Variants in AGO3 observed in about 807,000 individuals in gnomAD.
AGO3 encodes argonaute RISC catalytic component 3.
In AGO3, 16 loss-of-function variants were observed where a neutral mutation model predicts 105.5. The observed-to-expected ratio is 0.15, with a 90% CI of 0.10 to 0.23. The LOEUF is 0.23. Ranked by LOEUF, AGO3 falls within the 10% of genes least tolerant of loss-of-function variation. The pLI is 1.00. For missense variants in AGO3, 534 were observed against 1,088.0 expected, an observed-to-expected ratio of 0.49 and a Z score of 7.16; for synonymous variants, 340 against 367.3, an observed-to-expected ratio of 0.93 and a Z score of 0.85.
chr1:35,951,917 G>A (rs1448596928), intron 2 of AGO3, among the ~76,000 whole-genome samples: 1 of 151,990 alleles, frequency 6.6e-6, no homozygotes, highest in Non-Finnish European at 1.5e-5. Flanking sequence ...ATTTTAAAAT[G>A]TACACCTCAG....
chr1:36,035,572 A>G (rs1641964082), intron 13 of AGO3, among the ~76,000 whole-genome samples: 1 of 152,200 alleles, frequency 6.6e-6, no homozygotes, highest in Non-Finnish European at 1.5e-5. Flanking sequence ...GAGAGATTAC[A>G]TAGGTTTAAA....
intron 1 of AGO3, among the ~76,000 whole-genome samples, chr1:35,940,062 T>TA (rs904027812): frequency 1.3e-5 from 2 of 151,636 alleles, no homozygotes; most frequent in South Asian, 2.1e-4. Context: ...CTGTTTGCCT[T>TA]AAAAAAAAAT....
chr1:36,052,803 A>G (rs569426493), intron 17 of AGO3, among the ~76,000 whole-genome samples: 1 of 152,186 alleles, frequency 6.6e-6, no homozygotes, highest in East Asian at 1.9e-4. Flanking sequence ...CTTCAGCCCA[A>G]GAGTTGGAGA....
intron 1 of AGO3, among the ~76,000 whole-genome samples, chr1:35,940,271 T>C (rs1646230337): frequency 1.3e-5 from 2 of 152,166 alleles, no homozygotes; most frequent in African/African-American, 4.8e-5. Flanking sequence ...TTCACCATGT[T>C]GGCCAGGCTG....
chr1:35,991,507 T>A (rs1647649554), intron 5 of AGO3, among the ~76,000 whole-genome samples: 1 of 148,958 alleles, frequency 6.7e-6, no homozygotes, highest in South Asian at 2.1e-4. Context: ...AGAATCTTCA[T>A]GAGAATAGGG....
chr1:35,990,400 C>T (rs1011730229), intron 5 of AGO3, among the ~76,000 whole-genome samples: 17 of 152,140 alleles, frequency 1.1e-4, no homozygotes, highest in South Asian at 1.0e-3. Flanking sequence ...CCCAGCTACT[C>T]GGGAGGCTGA....
rs753217465 is a variant in AGO3 at position 35,945,744 on chromosome 1, C to T, written c.72C>T (p.Gly24=). 1.2e-5 allele frequency: 19 copies of T among 1,613,186 alleles called. No homozygotes were observed. Among genetic ancestry groups the T allele is most frequent in the African/African-American group, 9.3e-5 (7 of 74,874 alleles). ...LLMVPRRPGY[G]TMGKPIKLLA... is the part of the protein sequence containing the mutation. ...TGGTGCCCAGAAGACCTGGCTATGG[C>T]ACCATGGGCAAACCCATTAAACTGC... The change falls in exon 2 of 19, where the codon GGC becomes GGT. Residue 24 remains glycine, a synonymous_variant. Transcript: ENST00000373191.
rs79859229 is a variant in AGO3 at position 35,964,019 on chromosome 1, A to T, written c.192-2936A>T. Among the ~76,000 whole-genome samples the T allele has an allele frequency of 8.1e-3, 1,237 of 152,222 alleles. 16 individuals are homozygous for T. The highest frequency in any genetic ancestry group is 0.028 in the African/African-American group (1,160 of 41,516). Reference sequence around the variant, plus strand: ...TTCACTGTTAGAGCATTTATTGAGGATATACTATGTGTTAGGCATCAAAGC... The same window carrying T: ...TTCACTGTTAGAGCATTTATTGAGGTTATACTATGTGTTAGGCATCAAAGC... On this transcript the variant is annotated intron_variant, in intron 2 of 18. Transcript: ENST00000373191.
At chr1:36,006,148 G>A (rs1431839125) in intron 6 of AGO3, among the ~76,000 whole-genome samples, 2 of 150,038 alleles carry the variant, frequency 1.3e-5, no homozygotes, top group African/African-American at 2.5e-5. Context: ...AGTACATCAT[G>A]TATTCCTACT....
At position 36,013,959 on chromosome 1, in the gene AGO3, A is replaced by T; in HGVS notation, c.1317A>T (p.Arg439=). 2 of 1,614,072 alleles carry T rather than the reference A, an allele frequency of 1.2e-6. No individual in the cohort carries two copies. Among genetic ancestry groups the T allele is most frequent in the Non-Finnish European group, 1.7e-6 (2 of 1,180,026 alleles). ...ATPSHGVWDM[R]GKQFHTGVEI... ...CGAGCCATGGAGTATGGGACATGCGAGGGAAACAATTCCACACAGGAGTTG... is the reference window on the plus strand; with the variant it reads ...CGAGCCATGGAGTATGGGACATGCGTGGGAAACAATTCCACACAGGAGTTG... Residue 439 remains arginine, a synonymous_variant, in exon 11 of 19, where the codon CGA becomes CGT. Transcript: ENST00000373191.
At chr1:35,998,782 C>A (rs886575352) in intron 5 of AGO3, among the ~76,000 whole-genome samples, 1 of 151,838 alleles carries the variant, frequency 6.6e-6, no homozygotes, top group Non-Finnish European at 1.5e-5. Flanking sequence ...AGCTTTATTT[C>A]TTTATTTATG....
intron 17 of AGO3, among the ~76,000 whole-genome samples, chr1:36,054,265 T>C (rs72904909): frequency 0.032 from 4,910 of 152,268 alleles, 260 homozygotes; most frequent in African/African-American, 0.11. Context: ...TATTTTATTT[T>C]ATTTCATTTC....
Position 36,027,062 on chromosome 1 carries a change from T to C in AGO3, c.1407-52T>C, listed in dbSNP as rs753744161. On this transcript the variant is annotated intron_variant, in intron 11 of 18. Transcript: ENST00000373191. The surrounding 1 kb of genome is among the most constrained non-coding windows in gnomAD (Gnocchi z 4.0). ...TCCCAAACTTCCCATTACTACTTTG[T>C]AGGAATTCATGACTAGACAAAGGTT... The C allele has an allele frequency of 3.5e-5, 54 of 1,546,190 alleles. No individual in the cohort carries two copies. Among genetic ancestry groups the C allele is most frequent in the Non-Finnish European group, 4.5e-5 (51 of 1,143,710 alleles).
At chr1:35,982,556 C>T (rs541535049) in intron 5 of AGO3, 111 of 679,030 alleles carry the variant, frequency 1.6e-4, no homozygotes, top group South Asian at 1.5e-3. Flanking sequence ...TCTCTCTATC[C>T]TTTAGATAGG....
chr1:35,951,322 T>C (rs1646466963), intron 2 of AGO3, among the ~76,000 whole-genome samples: 1 of 152,264 alleles, frequency 6.6e-6, no homozygotes, highest in African/African-American at 2.4e-5. Flanking sequence ...ACTGTTAATA[T>C]TCTATGATGA....
At chr1:36,023,544 G>C (rs914581780) in intron 11 of AGO3, among the ~76,000 whole-genome samples, 1 of 152,196 alleles carries the variant, frequency 6.6e-6, no homozygotes, top group African/African-American at 2.4e-5. Flanking sequence ...TGAAACTGAA[G>C]TACAGAAACA....
rs571771780 is a variant in AGO3, at chr1:36,065,098, C to A, written c.*9353C>A. ...AGGAGAATGGCTTGAACCCAGGAGG[C>A]GGAGGTTGCAGTGAGCCAAGATCAC... On this transcript the variant is annotated 3_prime_UTR_variant, in exon 19 of 19. Coordinates refer to ENST00000373191, the MANE Select transcript of AGO3 (RefSeq NM_024852.4). 1.3e-5 allele frequency: 2 copies of A among 150,436 alleles called. No homozygotes were observed. The highest frequency in any genetic ancestry group is 4.9e-5 in the African/African-American group (2 of 40,562). The allele number at this position is 150,436 out of a possible 1,614,324, so 9.3% of individuals were successfully genotyped here.
At chr1:35,956,058 TATAA>T (rs1646559604) in intron 2 of AGO3, among the ~76,000 whole-genome samples, 1 of 152,212 alleles carries the variant, frequency 6.6e-6, no homozygotes, top group South Asian at 2.1e-4. Context: ...GAAAATTAAA[TATAA>T]ATATGTCTAA....
chr1:35,956,041 G>T (rs1223453432), intron 2 of AGO3, among the ~76,000 whole-genome samples: 1 of 152,104 alleles, frequency 6.6e-6, no homozygotes, highest in East Asian at 1.9e-4. Flanking sequence ...ATTCCTAATT[G>T]TTCACTGAAA....
Sources: allele counts gnomAD v4.1 joint callset (sites outside exome capture counted in the v4.1 genomes callset), GRCh38; gene constraint gnomAD v4.1.1; non-coding constraint Gnocchi (gnomAD v3.1); transcripts MANE v1.5; gene names NCBI Gene and HGNC (gene_info 2026-07-23, HGNC 2026-07-21).